The following TMEM217B variants were observed in gnomAD, a reference collection of about 807,000 sequenced individuals.
TMEM217B encodes putative transmembrane protein 217B.
the TMEM217B span, among the ~76,000 whole-genome samples, chr6:37,229,465 C>G: frequency 1.3e-5 from 2 of 150,278 alleles, no homozygotes; most frequent in African/African-American, 4.9e-5. Context: ...TCCTCAGCCT[C>G]CCGAGTAGCT....
At chr6:37,246,268 A>G in the TMEM217B span, among the ~76,000 whole-genome samples, 2 of 152,144 alleles carry the variant, frequency 1.3e-5, no homozygotes, top group Non-Finnish European at 2.9e-5. Context: ...TTCTTATTCA[A>G]GCTTCAGGCT....
chr6:37,220,408 C>T, the TMEM217B span, among the ~76,000 whole-genome samples: 2 of 152,060 alleles, frequency 1.3e-5, no homozygotes, highest in Non-Finnish European at 2.9e-5. Flanking sequence ...CAAAGGCCTA[C>T]GATTAGGGGA....
the TMEM217B span, among the ~76,000 whole-genome samples, chr6:37,241,927 G>A: frequency 6.6e-6 from 1 of 151,666 alleles, no homozygotes; most frequent in African/African-American, 2.4e-5. Context: ...TGGCTTTATC[G>A]CGTTGTCTTT....
the TMEM217B span, among the ~76,000 whole-genome samples, chr6:37,222,124 G>A: frequency 5.9e-5 from 9 of 152,178 alleles, no homozygotes; most frequent in South Asian, 2.1e-4. Context: ...GTCTTTTATG[G>A]ACCTCAGAAG....
At chr6:37,212,929 G>A in the TMEM217B span, 1 of 1,550,424 alleles carries the variant, frequency 6.4e-7, no homozygotes, top group Non-Finnish European at 8.7e-7. Context: ...ATTAAGGACA[G>A]AGAAGATGCC....
the TMEM217B span, among the ~76,000 whole-genome samples, chr6:37,216,354 C>T: frequency 6.6e-6 from 1 of 152,264 alleles, no homozygotes; most frequent in Non-Finnish European, 1.5e-5. Context: ...ATTGGGATTA[C>T]AGACGTGAGC....
the TMEM217B span, chr6:37,218,952 C>A: frequency 6.2e-7 from 1 of 1,614,208 alleles, no homozygotes; most frequent in Non-Finnish European, 8.5e-7. Context: ...AGATACATGT[C>A]TACGGCCATG....
chr6:37,216,372 C>T, the TMEM217B span, among the ~76,000 whole-genome samples: 1 of 152,102 alleles, frequency 6.6e-6, no homozygotes, highest in Admixed American at 6.6e-5. Context: ...AGCCCCTGCG[C>T]CTGGCCCGAT....
the TMEM217B span, among the ~76,000 whole-genome samples, chr6:37,231,664 T>G: frequency 7.6e-6 from 1 of 132,268 alleles, no homozygotes; most frequent in Non-Finnish European, 1.6e-5. Context: ...AGAGTGAGAC[T>G]CCATCTCAAA....
At chr6:37,230,321 T>C in the TMEM217B span, among the ~76,000 whole-genome samples, 1 of 152,224 alleles carries the variant, frequency 6.6e-6, no homozygotes, top group Admixed American at 6.5e-5. Flanking sequence ...AAGTCCCTTT[T>C]GCGTACTCAC....
chr6:37,245,452 C>T, the TMEM217B span, among the ~76,000 whole-genome samples: 9 of 152,250 alleles, frequency 5.9e-5, no homozygotes, highest in Non-Finnish European at 1.2e-4. Context: ...AAACTCCTCC[C>T]GATTCGAAGT....
At chr6:37,226,001 T>C in the TMEM217B span, among the ~76,000 whole-genome samples, 1 of 152,204 alleles carries the variant, frequency 6.6e-6, no homozygotes, top group African/African-American at 2.4e-5. Flanking sequence ...CATTGTCTTT[T>C]GGGGTTTCTT....
chr6:37,212,652 G>A, the TMEM217B span: 1 of 559,452 alleles, frequency 1.8e-6, no homozygotes, highest in Non-Finnish European at 3.4e-6. Flanking sequence ...TCCCGTTGAG[G>A]AGCAGGACTA....
chr6:37,223,734 C>G, the TMEM217B span, among the ~76,000 whole-genome samples: 1 of 152,170 alleles, frequency 6.6e-6, no homozygotes, highest in Non-Finnish European at 1.5e-5. Flanking sequence ...CTCTCAAACT[C>G]CTGACCTCAG....
At chr6:37,223,933 C>T in the TMEM217B span, among the ~76,000 whole-genome samples, 1 of 148,650 alleles carries the variant, frequency 6.7e-6, no homozygotes, top group Non-Finnish European at 1.5e-5. Flanking sequence ...AGCCTCCTGC[C>T]TCAGCCTTTT....
At chr6:37,231,612 C>T in the TMEM217B span, among the ~76,000 whole-genome samples, 7 of 141,162 alleles carry the variant, frequency 5.0e-5, 1 homozygote, top group African/African-American at 7.9e-5. Context: ...GGTGGGGTTG[C>T]GGTGAGCCGA....
the TMEM217B span, chr6:37,258,024 A>T: frequency 6.3e-7 from 1 of 1,593,566 alleles, no homozygotes; most frequent in Non-Finnish European, 8.6e-7. Context: ...ACCCTTCCAG[A>T]TCCTAATCCC....
At chr6:37,250,120 A>G in the TMEM217B span, among the ~76,000 whole-genome samples, 1 of 152,246 alleles carries the variant, frequency 6.6e-6, no homozygotes, top group Non-Finnish European at 1.5e-5. Flanking sequence ...TCAAAATCAT[A>G]CTATTGTCTA....
At chr6:37,220,495 T>A in the TMEM217B span, among the ~76,000 whole-genome samples, 1 of 151,366 alleles carries the variant, frequency 6.6e-6, no homozygotes, top group South Asian at 2.1e-4. Context: ...TTAACTACAC[T>A]GAGCAGGTGG....
Sources: gnomAD v4.1 joint callset for allele counts (sites outside exome capture counted in the v4.1 genomes callset) on GRCh38, gnomAD v4.1.1 for gene constraint, MANE v1.5 for transcripts, NCBI Gene and HGNC (gene_info 2026-07-23, HGNC 2026-07-21) for gene names.